Variants in FAR2 observed in about 807,000 individuals in gnomAD.
FAR2 encodes epididymis secretory protein Li 81.
A neutral mutation model predicts 56.0 loss-of-function variants in FAR2; 19 were observed. The observed-to-expected ratio is 0.34, with a 90% CI of 0.24 to 0.50. The LOEUF is 0.50. Ranked by LOEUF, FAR2 falls within the 20% of genes least tolerant of loss-of-function variation. The probability of loss-of-function intolerance (pLI) is 0.98; values close to 1 mark genes in which losing one functional copy is unlikely to be tolerated. For synonymous variants in FAR2, 219 were observed against 218.8 expected (o/e 1.00, Z -0.01); for missense variants, 508 against 642.2 (o/e 0.79, Z 2.26).
chr12:29,328,023 T>C (rs1409022058), intron 10 of FAR2, among the ~76,000 whole-genome samples: 1 of 151,918 alleles, frequency 6.6e-6, no homozygotes. Context: ...AGGGCTAATA[T>C]CCAGAATCTA....
chr12:29,230,400 G>A (rs1450878532), intron 1 of FAR2, among the ~76,000 whole-genome samples: 3 of 151,960 alleles, frequency 2.0e-5, no homozygotes, highest in Non-Finnish European at 4.4e-5. Context: ...AGACAGCACT[G>A]TGTCTGAGTA....
In FAR2 at chr12:29,307,772, G is replaced by C; in HGVS notation, c.660G>C (p.Arg220Ser). The change falls in exon 5 of 12, where the codon AGG (arginine) becomes AGC (serine). Residue 220 changes from arginine to serine, a missense_variant. Coordinates refer to ENST00000536681, the MANE Select transcript of FAR2 (RefSeq NM_001271783.2). ...LGEMVVQQES[R>S]NLNIAIIRPS... The stretch of plus-strand genomic sequence containing the variant: ...AAATGGTGGTGCAGCAAGAGAGCAG[G>C]AACCTGAACATTGCCATCATAAGGC... 6.2e-7 allele frequency: 1 copy of C among 1,613,310 alleles called. No homozygotes were observed. Among genetic ancestry groups the C allele is most frequent in the Non-Finnish European group, 8.5e-7 (1 of 1,179,904 alleles).
intron 4 of FAR2, among the ~76,000 whole-genome samples, chr12:29,299,084 A>T (rs559255438): frequency 6.6e-6 from 1 of 152,082 alleles, no homozygotes; most frequent in African/African-American, 2.4e-5. Context: ...GTGGTGGCAC[A>T]TGCCTGTAAT....
intron 1 of FAR2, among the ~76,000 whole-genome samples, chr12:29,259,713 C>T (rs1948385251): frequency 6.6e-6 from 1 of 152,170 alleles, no homozygotes; most frequent in South Asian, 2.1e-4. Flanking sequence ...AAAATCTAAC[C>T]TGCATAAAGC....
chr12:29,293,368 C>T lies in FAR2; in HGVS notation c.258C>T (p.Leu86=), dbSNP rs898996318. The T allele has an allele frequency of 1.9e-6, 3 of 1,612,552 alleles. No homozygotes were observed. In the African/African-American group the frequency reaches 4.0e-5, roughly 22 times the overall value. ...AGATCAGAGCTATTTATGCAGATCT[C>T]AATCAGAATGACTTTGCCATCAGCA... is the stretch of plus-strand genomic sequence containing the variant. ...HEKIRAIYAD[L]NQNDFAISKE... Residue 86 remains leucine (L), a synonymous_variant, in exon 3 of 12, where the codon CTC becomes CTT. Transcript: ENST00000536681.
intron 8 of FAR2, among the ~76,000 whole-genome samples, chr12:29,312,456 G>T (rs920161652): frequency 6.6e-5 from 10 of 152,034 alleles, no homozygotes; most frequent in African/African-American, 2.4e-4. Context: ...CTCCACTAGC[G>T]ATTTGTAAAA....
At chr12:29,307,913 C>T in intron 5 of FAR2, 78 bp downstream of exon 5, 2 of 1,410,562 alleles carry the variant, frequency 1.4e-6, no homozygotes, top group South Asian at 2.7e-5. Context: ...TGATGTCTTT[C>T]TTCTTCTCCT....
At chr12:29,281,983 T>C (rs1294198401) in intron 2 of FAR2, among the ~76,000 whole-genome samples, 2 of 152,216 alleles carry the variant, frequency 1.3e-5, no homozygotes, top group African/African-American at 4.8e-5. Flanking sequence ...GAGTCTTAAA[T>C]TAGGAATGCA....
At chr12:29,232,145 G>A (rs545818625) in intron 1 of FAR2, among the ~76,000 whole-genome samples, 55 of 152,098 alleles carry the variant, frequency 3.6e-4, no homozygotes, top group Non-Finnish European at 7.4e-4. Flanking sequence ...GAACTATTTG[G>A]TAGCAATCCC....
intron 1 of FAR2, among the ~76,000 whole-genome samples, chr12:29,157,581 G>C (rs1949740323): frequency 6.6e-6 from 1 of 152,174 alleles, no homozygotes; most frequent in South Asian, 2.1e-4. Flanking sequence ...AGCATCTGCT[G>C]ATGAATAACA....
Position 29,177,234 on chromosome 12 carries a change from T to C in FAR2, c.-39+27827T>C, listed in dbSNP as rs546000539. ...AGATTTTCAGACACTTGACCCGAAT[T>C]TCATCAGTCTTATTCCAGTCTATTC... On this transcript the variant is annotated intron_variant, in intron 1 of 11. Transcript: ENST00000536681. 8.3e-4 allele frequency among the ~76,000 whole-genome samples: 126 copies of C among 152,278 alleles called. 1 individual carries two copies. The highest frequency in any genetic ancestry group is 2.9e-3 in the African/African-American group (119 of 41,546).
At chr12:29,325,954 A>C (rs1949636960) in intron 10 of FAR2, among the ~76,000 whole-genome samples, 1 of 152,204 alleles carries the variant, frequency 6.6e-6, no homozygotes, top group Admixed American at 6.5e-5. Flanking sequence ...AAAATCAGTG[A>C]ATCCAGGAGC....
At chr12:29,225,886 T>G (rs547042454) in intron 1 of FAR2, among the ~76,000 whole-genome samples, 2 of 152,314 alleles carry the variant, frequency 1.3e-5, no homozygotes, top group South Asian at 4.1e-4. Context: ...AAGGTGAAAG[T>G]GCATGCTCTT....
At chr12:29,257,331 C>T (rs571030717) in intron 1 of FAR2, among the ~76,000 whole-genome samples, 18 of 152,058 alleles carry the variant, frequency 1.2e-4, no homozygotes, top group Admixed American at 5.2e-4. Flanking sequence ...CTGGTGGGGA[C>T]GTGGAGAACC....
At chr12:29,265,894 G>C (rs1948508018) in intron 1 of FAR2, among the ~76,000 whole-genome samples, 1 of 152,066 alleles carries the variant, frequency 6.6e-6, no homozygotes, top group Non-Finnish European at 1.5e-5. Context: ...CATACAAATG[G>C]ACAACAGGTT....
intron 1 of FAR2, among the ~76,000 whole-genome samples, chr12:29,259,475 G>C (rs773237284): frequency 1.3e-5 from 2 of 152,136 alleles, no homozygotes; most frequent in African/African-American, 4.8e-5. Flanking sequence ...TTTCTTATGC[G>C]TTTGAATCTT....
rs759782873 is a variant in FAR2 at position 29,254,950 on chromosome 12, C to CAA, written c.-38-15447_-38-15446dup. 1.1e-3 allele frequency among the ~76,000 whole-genome samples: 132 copies of CAA among 121,480 alleles called. No homozygotes were observed. In the Middle Eastern group the frequency reaches 0.013, roughly 12 times the overall value. 79.7% of individuals were successfully genotyped at this position (121,480 alleles called of 152,430 possible). A position where few individuals can be genotyped will look rare whatever the true frequency, so the allele number is the denominator to read the frequency against. On this transcript the variant is annotated intron_variant, in intron 1 of 11. Transcript: ENST00000536681. The stretch of plus-strand genomic sequence containing the variant: ...CCTGGGTGAAAGAGCAAGACTGTCT[C>CAA]AAAAAAAAAAAAAAAAGTTTACTCC...
intron 2 of FAR2, among the ~76,000 whole-genome samples, chr12:29,291,986 T>C (rs1948976150): frequency 6.6e-6 from 1 of 152,236 alleles, no homozygotes; most frequent in Admixed American, 6.5e-5. Flanking sequence ...ACTATGTTCA[T>C]TCAGATATGC....
At position 29,335,305 on chromosome 12, in the gene FAR2, C is replaced by T. The variant is rs1485038295; in HGVS notation, c.*1511C>T. The T allele has an allele frequency of 6.6e-6, 1 of 152,128 alleles. No individual in the cohort carries two copies. The highest frequency in any genetic ancestry group is 2.4e-5 in the African/African-American group (1 of 41,424). The allele number at this position is 152,128 out of a possible 1,614,324, so 9.4% of individuals were successfully genotyped here. A position where few individuals can be genotyped will look rare whatever the true frequency, so the allele number is the denominator to read the frequency against. On this transcript the variant is annotated 3_prime_UTR_variant, in exon 12 of 12. Transcript: ENST00000536681. Reference sequence around the variant, plus strand: ...GGCATTTTGGAGGAACTCTTCTGGGCAATATCTTTCCCAATCTCATCTAAA... The same window carrying T: ...GGCATTTTGGAGGAACTCTTCTGGGTAATATCTTTCCCAATCTCATCTAAA...
Sources: allele counts gnomAD v4.1 joint callset (sites outside exome capture counted in the v4.1 genomes callset), GRCh38; gene constraint gnomAD v4.1.1; transcripts MANE v1.5; gene names NCBI Gene and HGNC (gene_info 2026-07-23, HGNC 2026-07-21).